Variants in PDE4D observed in about 807,000 individuals in gnomAD.
PDE4D encodes the protein 3',5'-cyclic-AMP phosphodiesterase 4D.
A neutral mutation model predicts 87.4 loss-of-function variants in PDE4D; 24 were observed. The observed-to-expected ratio is 0.27, with a 90% CI of 0.20 to 0.39. The LOEUF (loss-of-function observed/expected upper bound fraction) is 0.39, where lower values mean the gene tolerates loss of function less well. PDE4D is among the 10% of genes least tolerant of loss of function. PDE4D has a pLI of 1.00. For synonymous variants in PDE4D, 384 were observed against 383.2 expected (o/e 1.00, Z -0.02); for missense variants, 714 against 1,041.0 (o/e 0.69, Z 4.32).
exon 3 of PDE4D, chr5:59,988,515 A>G (rs757893852): frequency 4.4e-6 from 7 of 1,598,706 alleles, no homozygotes; most frequent in Non-Finnish European, 5.9e-6. Context: ...AGTGATAGCA[A>G]TCAGCGGCAG....
Position 59,795,005 on chromosome 5 carries a change from T to C in PDE4D, c.455+98163A>G, listed in dbSNP as rs138443504. On this transcript the variant is annotated intron_variant, in intron 1 of 14. Coordinates refer to ENST00000340635, the MANE Select transcript of PDE4D (RefSeq NM_001104631.2). The stretch of plus-strand genomic sequence containing the variant: ...CTGTGTGCACCCAGAGGAGCTTCTG[T>C]GTATCTGTGAGACCCTGTTTCCTCA... 3.5e-3 allele frequency among the ~76,000 whole-genome samples: 540 copies of C among 152,244 alleles called. 4 individuals are homozygous for C. The highest frequency in any genetic ancestry group is 0.012 in the African/African-American group (519 of 41,552).
intron 1 of PDE4D, among the ~76,000 whole-genome samples, chr5:60,295,334 G>A (rs971460325): frequency 1.3e-5 from 2 of 152,174 alleles, no homozygotes; most frequent in Admixed American, 6.5e-5. Context: ...CAAATTGTAT[G>A]AGTTTTAATT....
At chr5:59,413,457 C>CAAAAAAAAAAAAAAAA (rs34074485) in intron 1 of PDE4D, among the ~76,000 whole-genome samples, 37 of 54,416 alleles carry the variant, frequency 6.8e-4, no homozygotes, top group African/African-American at 2.6e-3. Context: ...GACTCCATCT[C>CAAAAAAAAAAAAAAAA]AAAAAAAAAA....
chr5:59,598,530 A>T lies in PDE4D; in HGVS notation c.455+294638T>A, dbSNP rs552394955. Among the ~76,000 whole-genome samples the T allele has an allele frequency of 7.2e-5, 11 of 152,314 alleles. No homozygotes were observed. The South Asian group carries it at 2.3e-3, about 32-fold the overall frequency. On this transcript the variant is annotated intron_variant, in intron 1 of 14. Coordinates refer to ENST00000340635, the MANE Select transcript of PDE4D (RefSeq NM_001104631.2). ...AAATGCACTTTTCTCCTCGTCTTCC[A>T]TAACCACTCACTGATTAGAGGCACA...
chr5:59,869,561 CAG>C (rs775852525), intron 1 of PDE4D, among the ~76,000 whole-genome samples: 45 of 152,250 alleles, frequency 3.0e-4, no homozygotes, highest in Non-Finnish European at 5.3e-4. Context: ...AAAGGTATTA[CAG>C]ACACTTGTTT....
chr5:59,335,944 T>C (rs79515506), intron 1 of PDE4D, among the ~76,000 whole-genome samples: 2,596 of 152,326 alleles, frequency 0.017, 88 homozygotes, highest in African/African-American at 0.059. Flanking sequence ...TAGAGGTCTA[T>C]AACTATATTC....
chr5:59,072,280 C>T (rs186686803), intron 5 of PDE4D, among the ~76,000 whole-genome samples: 1 of 152,234 alleles, frequency 6.6e-6, no homozygotes, highest in African/African-American at 2.4e-5. Context: ...AAGGCTTAAG[C>T]ATAGTTGGAA....
At chr5:60,426,483 G>C (rs774896619) in intron 1 of PDE4D, among the ~76,000 whole-genome samples, 1 of 151,916 alleles carries the variant, frequency 6.6e-6, no homozygotes, top group Non-Finnish European at 1.5e-5. Context: ...TGAACAATGA[G>C]AACACTTGGA....
chr5:59,727,476 G>A (rs1391007960), intron 1 of PDE4D, among the ~76,000 whole-genome samples: 1 of 152,082 alleles, frequency 6.6e-6, no homozygotes, highest in African/African-American at 2.4e-5. Flanking sequence ...ATATTGTAAT[G>A]AGAACATCCA....
At chr5:60,069,281 C>T (rs1038909034) in intron 2 of PDE4D, among the ~76,000 whole-genome samples, 1 of 152,124 alleles carries the variant, frequency 6.6e-6, no homozygotes, top group Non-Finnish European at 1.5e-5. Context: ...AAAGTGGAGA[C>T]TTCATGAATA....
At chr5:60,157,632 T>A (rs1168705707) in intron 2 of PDE4D, among the ~76,000 whole-genome samples, 1 of 152,168 alleles carries the variant, frequency 6.6e-6, no homozygotes, top group Non-Finnish European at 1.5e-5. Flanking sequence ...TTCTCTTAAA[T>A]TGTGATCCAA....
chr5:60,139,147 G>A (rs1419795992), intron 2 of PDE4D, among the ~76,000 whole-genome samples: 1 of 152,026 alleles, frequency 6.6e-6, no homozygotes, highest in East Asian at 1.9e-4. Flanking sequence ...CACTGCTACA[G>A]TTGCTTCCTA....
chr5:59,477,780 A>T (rs1224484964), intron 1 of PDE4D, among the ~76,000 whole-genome samples: 1 of 152,098 alleles, frequency 6.6e-6, no homozygotes, highest in Non-Finnish European at 1.5e-5. Context: ...TCACAATAGC[A>T]AAGACATGAA....
intron 1 of PDE4D, among the ~76,000 whole-genome samples, chr5:59,262,153 T>C (rs1762105944): frequency 6.6e-6 from 1 of 151,902 alleles, no homozygotes. Context: ...AGAAAGTCAC[T>C]AGACCATAAA....
chr5:60,302,034 T>C (rs191927502), intron 1 of PDE4D, among the ~76,000 whole-genome samples: 25 of 152,350 alleles, frequency 1.6e-4, no homozygotes, highest in African/African-American at 6.0e-4. Flanking sequence ...AACTTGATCA[T>C]GGTGGATAAG....
chr5:59,432,685 T>C (rs1796278814), intron 1 of PDE4D, among the ~76,000 whole-genome samples: 1 of 152,066 alleles, frequency 6.6e-6, no homozygotes, highest in Non-Finnish European at 1.5e-5. Flanking sequence ...CTTGATGAAA[T>C]AAAACTACTA....
intron 1 of PDE4D, chr5:60,303,980 T>C (rs1183353763): frequency 6.6e-6 from 1 of 152,196 alleles, no homozygotes; most frequent in Non-Finnish European, 1.5e-5. Flanking sequence ...TGCTCCCGTA[T>C]TGGGGTGCAT....
intron 11 of PDE4D, among the ~76,000 whole-genome samples, chr5:58,985,434 G>A (rs940920720): frequency 6.6e-6 from 1 of 152,136 alleles, no homozygotes; most frequent in Non-Finnish European, 1.5e-5. Context: ...GGCACCTAAA[G>A]CTAAAACAAC....
chr5:59,970,409 A>G lies in PDE4D; in HGVS notation c.272+18079T>C, dbSNP rs553312811. On this transcript the variant is annotated intron_variant, in intron 3 of 16. Coordinates refer to the PDE4D transcript ENST00000502484. ...GTACAGCAAAAGAAACTATCATCAG[A>G]GTGAACAGGCAACCTACAAAATGGG... Among the ~76,000 whole-genome samples the G allele has an allele frequency of 1.4e-4, 22 of 152,328 alleles. No homozygotes were observed. The South Asian group carries it at 4.4e-3, about 30-fold the overall frequency.
Sources: gnomAD v4.1 joint callset for allele counts (sites outside exome capture counted in the v4.1 genomes callset) on GRCh38, gnomAD v4.1.1 for gene constraint, MANE v1.5 for transcripts, NCBI Gene and HGNC (gene_info 2026-07-23, HGNC 2026-07-21) for gene names.